Variants in VRTN observed in about 807,000 individuals in gnomAD.
VRTN encodes vertebrae development associated.
In VRTN, 5 loss-of-function variants were observed where a neutral mutation model predicts 18.2. The observed-to-expected ratio is 0.27, with a 90% CI of 0.14 to 0.58. VRTN has a LOEUF of 0.58. Ranked by LOEUF, VRTN falls within the 20% of genes least tolerant of loss-of-function variation. The pLI is 0.91. For missense variants in VRTN, 741 were observed against 939.4 expected, an observed-to-expected ratio of 0.79 and a Z score of 2.76; for synonymous variants, 381 against 393.7, an observed-to-expected ratio of 0.97 and a Z score of 0.38.
upstream of VRTN, among the ~76,000 whole-genome samples, chr14:74,343,549 C>T (rs1046125325): frequency 6.6e-6 from 1 of 152,158 alleles, no homozygotes; most frequent in Non-Finnish European, 1.5e-5. Context: ...GGCTTACCCA[C>T]CGTAGCATGG....
chr14:74,324,283 G>C (rs955781030), intron 1 of VRTN, among the ~76,000 whole-genome samples: 2 of 151,396 alleles, frequency 1.3e-5, no homozygotes, highest in Non-Finnish European at 2.9e-5. Flanking sequence ...AGCTACTCGG[G>C]AGGCTGAGGC....
chr14:74,302,993 G>C, upstream of VRTN: 1 of 1,382,812 alleles, frequency 7.2e-7, no homozygotes. Context: ...CGGGGCCCCG[G>C]CTACCACAGA....
At chr14:74,351,028 A>G (rs76522896) in intron 1 of VRTN, among the ~76,000 whole-genome samples, 1 of 152,252 alleles carries the variant, frequency 6.6e-6, no homozygotes, top group Non-Finnish European at 1.5e-5. Flanking sequence ...GGAAGCAGTC[A>G]GTAAATGGTA....
chr14:74,338,299 G>A (rs1164674327), intron 2 of VRTN, among the ~76,000 whole-genome samples: 1 of 152,168 alleles, frequency 6.6e-6, no homozygotes, highest in Non-Finnish European at 1.5e-5. Context: ...AATGAAACCA[G>A]AGAAGCCAGC....
At chr14:74,344,750 A>AAAAAACAAGT (rs2085632529), upstream of VRTN, among the ~76,000 whole-genome samples, 1 of 128,058 alleles carries the variant, frequency 7.8e-6, no homozygotes, top group Non-Finnish European at 1.6e-5. Flanking sequence ...AAAAAAAATG[A>AAAAAACAAGT]AAAAAAGAAA....
At position 74,357,584 on chromosome 14, in the gene VRTN, G is replaced by C. The variant is rs146700227; in HGVS notation, c.801G>C (p.Pro267=). The C allele has an allele frequency of 1.2e-6, 2 of 1,613,900 alleles. No homozygotes were observed. The highest frequency in any genetic ancestry group is 2.2e-5 in the East Asian group (1 of 44,866). The change falls in exon 2 of 2, where the codon CCG becomes CCC. Residue 267 remains proline, a synonymous_variant. Coordinates refer to ENST00000256362, the MANE Select transcript of VRTN (RefSeq NM_018228.3). This position sits in a 1 kb window ranked among gnomAD's most constrained non-coding sequence, Gnocchi z 7.8. The part of the protein sequence containing the change: ...ALPALAPLSS[P]AKTLELLNRE... Reference sequence around the variant, plus strand: ...CAGCCCTGGCCCCACTCTCATCGCCGGCCAAGACCCTGGAGCTGCTCAACC... The same window carrying C: ...CAGCCCTGGCCCCACTCTCATCGCCCGCCAAGACCCTGGAGCTGCTCAACC...
intron 1 of VRTN, among the ~76,000 whole-genome samples, chr14:74,304,501 G>C (rs2085294563): frequency 6.6e-6 from 1 of 152,164 alleles, no homozygotes; most frequent in African/African-American, 2.4e-5. Flanking sequence ...CCATACAGCA[G>C]GGGTTCTCAA....
Position 74,358,231 on chromosome 14 carries a change from C to T in VRTN, c.1448C>T (p.Ala483Val), listed in dbSNP as rs779006014. 5 of 1,612,312 alleles carry T rather than the reference C, an allele frequency of 3.1e-6. No homozygotes were observed. The African/African-American group carries it at 5.3e-5, about 17-fold the overall frequency. The change falls in exon 2 of 2, where the codon GCA (alanine) becomes GTA (valine). Residue 483 changes from alanine (A) to valine (V), a missense_variant. Transcript: ENST00000256362. The surrounding 1 kb of genome is among the most constrained non-coding windows in gnomAD (Gnocchi z 5.4). ...TGGAAGAGTGAGGCGGAAGAGGGGG[C>T]AGGGAATGCCACAGGTGAGGACCCT... ...IPWKSEAEEG[A>V]GNATGEDPPA...
chr14:74,306,380 T>A (rs2085352593), intron 1 of VRTN: 1 of 151,220 alleles, frequency 6.6e-6, no homozygotes, highest in Non-Finnish European at 1.5e-5. Context: ...GGGGGAGGTG[T>A]CTCACTGTGT....
At chr14:74,347,293 G>A (rs1021518017), upstream of VRTN, among the ~76,000 whole-genome samples, 7 of 152,188 alleles carry the variant, frequency 4.6e-5, no homozygotes, top group African/African-American at 1.2e-4. Context: ...CAAGACACCC[G>A]CTAAGCCACA....
intron 1 of VRTN, among the ~76,000 whole-genome samples, chr14:74,333,600 G>A (rs1567042012): frequency 6.6e-6 from 1 of 151,956 alleles, no homozygotes; most frequent in Non-Finnish European, 1.5e-5. Flanking sequence ...AGCACTTTGG[G>A]AGGCCGAGGC....
chr14:74,347,692 G>A (rs904357930), upstream of VRTN, among the ~76,000 whole-genome samples: 1 of 152,334 alleles, frequency 6.6e-6, no homozygotes, highest in African/African-American at 2.4e-5. Context: ...GCAGGGGCTG[G>A]ACTGGTTCCT....
At chr14:74,340,291 T>C (rs1354844954) in intron 2 of VRTN, among the ~76,000 whole-genome samples, 1 of 152,204 alleles carries the variant, frequency 6.6e-6, no homozygotes, top group African/African-American at 2.4e-5. Context: ...TTTGTATTTT[T>C]AGTAGAGACG....
In VRTN at chr14:74,357,164, A is replaced by G; in HGVS notation, c.381A>G (p.Lys127=). The G allele has an allele frequency of 6.3e-7, 1 of 1,599,398 alleles. No individual in the cohort carries two copies. Among genetic ancestry groups the G allele is most frequent in the Non-Finnish European group, 8.5e-7 (1 of 1,173,042 alleles). ...ACCTCCAGGGCATGATCGACTCCAA[A>G]GTGATGCTGCAGGCCGTGCGCTACT... ...HYYLQGMIDS[K]VMLQAVRYSL... is the part of the protein sequence containing the mutation. Residue 127 remains lysine (K), a synonymous_variant, in exon 2 of 2, where the codon AAA becomes AAG. Coordinates refer to ENST00000256362, the MANE Select transcript of VRTN (RefSeq NM_018228.3). The surrounding 1 kb of genome is among the most constrained non-coding windows in gnomAD (Gnocchi z 7.8).
At chr14:74,307,386 T>G (rs2085360182) in intron 1 of VRTN, among the ~76,000 whole-genome samples, 3 of 152,034 alleles carry the variant, frequency 2.0e-5, no homozygotes, top group Admixed American at 2.0e-4. Context: ...CGCCTCCACC[T>G]CCCCAAGTGC....
intron 1 of VRTN, among the ~76,000 whole-genome samples, chr14:74,318,709 GC>G (rs1157483198): frequency 8.4e-5 from 12 of 143,120 alleles, no homozygotes; most frequent in African/African-American, 3.0e-4. Flanking sequence ...ACCGTGTCCG[GC>G]CTTTTTTTTT....
upstream of VRTN, chr14:74,303,037 C>G: frequency 9.4e-7 from 1 of 1,063,900 alleles, no homozygotes; most frequent in Non-Finnish European, 1.3e-6. Flanking sequence ...GTGCGGGAGA[C>G]GCGGACTCTC....
intron 1 of VRTN, among the ~76,000 whole-genome samples, chr14:74,315,991 G>A (rs1344484310): frequency 1.3e-5 from 2 of 152,176 alleles, no homozygotes; most frequent in South Asian, 2.1e-4. Context: ...TGCAAAGGGC[G>A]TAAACTCAGG....
intron 1 of VRTN, among the ~76,000 whole-genome samples, chr14:74,324,196 G>A (rs1567040326): frequency 6.6e-6 from 1 of 151,752 alleles, no homozygotes; most frequent in Non-Finnish European, 1.5e-5. Flanking sequence ...AGACCAGCCT[G>A]GGCAATATGG....
Sources: gnomAD v4.1 joint callset for allele counts (sites outside exome capture counted in the v4.1 genomes callset) on GRCh38, gnomAD v4.1.1 for gene constraint, Gnocchi (gnomAD v3.1) non-coding constraint, MANE v1.5 for transcripts, NCBI Gene and HGNC (gene_info 2026-07-23, HGNC 2026-07-21) for gene names.